Variants in NRXN3 observed in about 807,000 individuals in gnomAD.
NRXN3 encodes the protein neurexin III.
A neutral mutation model predicts 137.6 loss-of-function variants in NRXN3; 32 were observed. The ratio of observed to expected loss-of-function variants is 0.23; its 90% CI spans 0.18 to 0.31. The LOEUF (loss-of-function observed/expected upper bound fraction) is 0.31. Among genes scored for constraint, NRXN3 ranks in the 10% least tolerant of loss-of-function variants. The pLI, the probability that NRXN3 is intolerant of heterozygous loss-of-function variation, is 1.00. For missense variants in NRXN3, 1,574 were observed against 2,062.5 expected, an observed-to-expected ratio of 0.76 and a Z score of 4.59; for synonymous variants, 798 against 784.5, an observed-to-expected ratio of 1.02 and a Z score of -0.29.
chr14:78,884,860 A>G (rs1355153544), intron 10 of NRXN3, among the ~76,000 whole-genome samples: 1 of 152,092 alleles, frequency 6.6e-6, no homozygotes, highest in Admixed American at 6.6e-5. Context: ...TCTCATTTCT[A>G]CTAAAAGGAC....
intron 15 of NRXN3, among the ~76,000 whole-genome samples, chr14:79,403,900 C>T (rs1226439700): frequency 6.6e-6 from 1 of 152,132 alleles, no homozygotes; most frequent in African/African-American, 2.4e-5. Flanking sequence ...AAAAATTTTT[C>T]TTTGCTGTCA....
chr14:78,774,642 G>T (rs1425511344), intron 8 of NRXN3, among the ~76,000 whole-genome samples: 3 of 152,208 alleles, frequency 2.0e-5, no homozygotes, highest in Non-Finnish European at 1.5e-5. Context: ...TTAAGAGCAG[G>T]TGTGGTGCCT....
chr14:78,417,752 T>G (rs1453402184), intron 4 of NRXN3, among the ~76,000 whole-genome samples: 1 of 152,198 alleles, frequency 6.6e-6, no homozygotes, highest in Non-Finnish European at 1.5e-5. Context: ...GCTTCCTGTT[T>G]TGAGGTTACA....
chr14:79,424,846 G>A (rs1008382513), intron 15 of NRXN3, among the ~76,000 whole-genome samples: 2 of 152,124 alleles, frequency 1.3e-5, no homozygotes, highest in African/African-American at 4.8e-5. Flanking sequence ...ATGAAATATA[G>A]GCAATTGACA....
At chr14:79,380,515 A>G (rs971477805) in intron 15 of NRXN3, among the ~76,000 whole-genome samples, 18 of 152,086 alleles carry the variant, frequency 1.2e-4, no homozygotes, top group African/African-American at 4.3e-4. Flanking sequence ...TGTCCCTACA[A>G]AGGACATGAA....
chr14:79,742,299 C>G (rs2098965763), intron 19 of NRXN3, among the ~76,000 whole-genome samples: 1 of 152,132 alleles, frequency 6.6e-6, no homozygotes, highest in South Asian at 2.1e-4. Flanking sequence ...TAATGTACCT[C>G]TTGTTAATTG....
intron 15 of NRXN3, among the ~76,000 whole-genome samples, chr14:79,332,955 T>C (rs2091893008): frequency 6.6e-6 from 1 of 152,180 alleles, no homozygotes; most frequent in African/African-American, 2.4e-5. Flanking sequence ...TATCCCAAAG[T>C]AGATAAACTA....
At chr14:78,176,991 G>C (rs1053000762) in intron 1 of NRXN3, among the ~76,000 whole-genome samples, 1 of 152,102 alleles carries the variant, frequency 6.6e-6, no homozygotes, top group Non-Finnish European at 1.5e-5. Context: ...TGACCTTCCT[G>C]GGGGAGGAGA....
intron 20 of NRXN3, among the ~76,000 whole-genome samples, chr14:79,843,779 T>A (rs2099361209): frequency 6.6e-6 from 1 of 152,168 alleles, no homozygotes; most frequent in African/African-American, 2.4e-5. Context: ...TTTAATAGTT[T>A]TGGGGTTATA....
intron 15 of NRXN3, among the ~76,000 whole-genome samples, chr14:79,126,551 C>CA (rs1207621417): frequency 6.6e-6 from 1 of 152,224 alleles, no homozygotes; most frequent in African/African-American, 2.4e-5. Context: ...ATGTGTGCCA[C>CA]ATTTTCTTAA....
At chr14:78,303,607 C>A (rs187317436) in intron 4 of NRXN3, among the ~76,000 whole-genome samples, 165 of 152,204 alleles carry the variant, frequency 1.1e-3, no homozygotes, top group African/African-American at 3.8e-3. Context: ...AGTGGGCATA[C>A]CCCCTCTGCC....
intron 9 of NRXN3, among the ~76,000 whole-genome samples, chr14:78,807,510 C>T (rs1017528331): frequency 7.9e-5 from 12 of 151,848 alleles, no homozygotes; most frequent in African/African-American, 2.4e-4. Context: ...TTTGGGAGGC[C>T]GAGGCAGCCC....
intron 1 of NRXN3, among the ~76,000 whole-genome samples, chr14:78,232,171 C>T (rs2065511733): frequency 6.6e-6 from 1 of 152,260 alleles, no homozygotes; most frequent in African/African-American, 2.4e-5. Context: ...CACATTCACC[C>T]TGTGGTGAAG....
chr14:78,329,068 A>T (rs2080465277), intron 4 of NRXN3, among the ~76,000 whole-genome samples: 1 of 152,182 alleles, frequency 6.6e-6, no homozygotes, highest in African/African-American at 2.4e-5. Flanking sequence ...GAAATAGTGT[A>T]TTTGGCAGGG....
intron 4 of NRXN3, among the ~76,000 whole-genome samples, chr14:78,329,279 G>A (rs1205753265): frequency 6.6e-6 from 1 of 152,082 alleles, no homozygotes; most frequent in African/African-American, 2.4e-5. Flanking sequence ...AGTGTCAATG[G>A]GTCCACAATT....
In NRXN3 at chr14:79,861,731, A is replaced by G; in HGVS notation, c.4483A>G (p.Thr1495Ala). Residue 1495 changes from threonine (T) to alanine (A), a missense_variant, in exon 21 of 21, where the codon ACA becomes GCA. Thr to Ala is a moderately conservative substitution (Grantham distance 58). This residue lies in a region of NRXN3 where 320 missense variants were observed against 387.1 expected (regional missense o/e 0.83). Transcript: ENST00000335750. The surrounding 1 kb of genome is among the most constrained non-coding windows in gnomAD (Gnocchi z 5.4). ...AGAGGTGATCCGGGAGTCGAGCAGC[A>G]CAACAGGGATGGTCGTCGGCATTGT... is the stretch of plus-strand genomic sequence containing the variant. ...ASEVIRESSS[T>A]TGMVVGIVAA... is the part of the protein sequence containing the mutation. 6.2e-7 allele frequency: 1 copy of G among 1,614,088 alleles called. No individual in the cohort carries two copies. The highest frequency in any genetic ancestry group is 8.5e-7 in the Non-Finnish European group (1 of 1,180,012).
At chr14:78,349,764 A>G (rs375392433) in intron 4 of NRXN3, among the ~76,000 whole-genome samples, 4 of 152,202 alleles carry the variant, frequency 2.6e-5, no homozygotes, top group Admixed American at 6.5e-5. Context: ...TACCAGTATT[A>G]TTCCTAGTCA....
At chr14:78,229,148 TAG>T (rs1380141490) in intron 1 of NRXN3, among the ~76,000 whole-genome samples, 1 of 152,188 alleles carries the variant, frequency 6.6e-6, no homozygotes, top group Non-Finnish European at 1.5e-5. Context: ...TGGGACTCTG[TAG>T]AGTTTCACAC....
intron 8 of NRXN3, among the ~76,000 whole-genome samples, chr14:78,759,942 T>A (rs1160631821): frequency 6.6e-6 from 1 of 151,830 alleles, no homozygotes; most frequent in Non-Finnish European, 1.5e-5. Flanking sequence ...ATGCCCACTT[T>A]ACAGAAGAGA....
Sources: gnomAD v4.1 joint callset for allele counts (sites outside exome capture counted in the v4.1 genomes callset) on GRCh38, gnomAD v4.1.1 for gene constraint, gnomAD v4.1.1 regional missense constraint, Gnocchi (gnomAD v3.1) non-coding constraint, MANE v1.5 for transcripts, NCBI Gene and HGNC (gene_info 2026-07-23, HGNC 2026-07-21) for gene names.